Variants in USH2A observed in about 807,000 individuals in gnomAD.
The protein encoded by USH2A is Usher syndrome 2A (autosomal recessive, mild).
USH2A carries 443 observed loss-of-function variants against 538.9 expected under a neutral mutation model. The ratio of observed to expected loss-of-function variants is 0.82; its 90% confidence interval spans 0.76 to 0.89. USH2A has a LOEUF of 0.89. Among genes scored for constraint, USH2A ranks in the 40% least tolerant of loss-of-function variants. The pLI, the probability that USH2A is intolerant of heterozygous loss-of-function variation, is 0.00. For synonymous variants in USH2A, 2,413 were observed against 2,273.5 expected, an observed-to-expected ratio of 1.06 and a Z score of -1.75; for missense variants, 6,633 against 6,324.8, an observed-to-expected ratio of 1.05 and a Z score of -1.65.
At chr1:216,017,116 G>C (rs1668731415) in intron 32 of USH2A, among the ~76,000 whole-genome samples, 1 of 151,926 alleles carries the variant, frequency 6.6e-6, no homozygotes. Flanking sequence ...TTACTTTTAT[G>C]ATATAAAATG....
chr1:216,079,733 A>G (rs2031872980), intron 26 of USH2A, among the ~76,000 whole-genome samples: 1 of 152,182 alleles, frequency 6.6e-6, no homozygotes, highest in Non-Finnish European at 1.5e-5. Context: ...AGAAGTACAC[A>G]TTGAAAACAA....
chr1:215,781,465 A>T (rs1372759050), intron 54 of USH2A, among the ~76,000 whole-genome samples: 2 of 152,016 alleles, frequency 1.3e-5, no homozygotes, highest in African/African-American at 4.8e-5. Flanking sequence ...CTTTCCTTTT[A>T]TTTCTGTAAA....
chr1:215,915,810 G>A (rs984258111), intron 38 of USH2A, among the ~76,000 whole-genome samples: 7 of 151,610 alleles, frequency 4.6e-5, no homozygotes, highest in African/African-American at 1.5e-4. Context: ...ATGATAGACT[G>A]GATTAAGAAA....
intron 15 of USH2A, among the ~76,000 whole-genome samples, chr1:216,214,488 G>A (rs996471317): frequency 2.0e-5 from 3 of 151,960 alleles, no homozygotes; most frequent in Non-Finnish European, 4.4e-5. Context: ...TAAAACTCAT[G>A]GGAAAGGCAA....
intron 3 of USH2A, among the ~76,000 whole-genome samples, chr1:216,385,654 G>C (rs147140059): frequency 6.6e-6 from 1 of 152,286 alleles, no homozygotes; most frequent in East Asian, 1.9e-4. Flanking sequence ...GTTTTAATAA[G>C]ATCCCTTCTT....
At chr1:216,016,079 A>G (rs1668703756) in intron 32 of USH2A, among the ~76,000 whole-genome samples, 1 of 152,054 alleles carries the variant, frequency 6.6e-6, no homozygotes, top group South Asian at 2.1e-4. Context: ...CATTCTGGGC[A>G]AACTATTGCA....
In USH2A at chr1:215,673,827, C is replaced by T. The variant is rs190900744; in HGVS notation, c.13811+273G>A. ...CCAGGGGGACTAGCCTCATCTCTGT[C>T]CTACTTATTTCAGATACCAGGATGC... On this transcript the variant is annotated intron_variant, in intron 63 of 71. Coordinates refer to ENST00000307340, the MANE Select transcript of USH2A (RefSeq NM_206933.4). 4.1e-3 allele frequency among the ~76,000 whole-genome samples: 622 copies of T among 152,254 alleles called. 4 individuals are homozygous for T. Among genetic ancestry groups the T allele is most frequent in the South Asian group, 0.018 (86 of 4,820 alleles).
At chr1:216,330,052 T>A (rs1396571401) in intron 4 of USH2A, among the ~76,000 whole-genome samples, 1 of 152,052 alleles carries the variant, frequency 6.6e-6, no homozygotes, top group Non-Finnish European at 1.5e-5. Flanking sequence ...TTTGAAAGAC[T>A]TACCATAACT....
chr1:216,050,117 T>G (rs2030695099), intron 30 of USH2A, among the ~76,000 whole-genome samples: 1 of 152,204 alleles, frequency 6.6e-6, no homozygotes, highest in Non-Finnish European at 1.5e-5. Flanking sequence ...TTTACTTTCT[T>G]TTAAGAAGTT....
intron 47 of USH2A, among the ~76,000 whole-genome samples, chr1:215,820,259 CAAATGTTTGGGTTACA>C (rs1662975300): frequency 6.7e-6 from 1 of 150,344 alleles, no homozygotes. Flanking sequence ...TTTTCTCTCT[CAAATGTTTGGGTTACA>C]TTTTCTCATT....
chr1:216,040,410 G>GGAAGCACAACTCGCAT (rs2030224683), intron 32 of USH2A, among the ~76,000 whole-genome samples: 1 of 152,002 alleles, frequency 6.6e-6, no homozygotes, highest in Non-Finnish European at 1.5e-5. Flanking sequence ...TTTCTAACTA[G>GGAAGCACAACTCGCAT]GAAGCACAAC....
intron 38 of USH2A, among the ~76,000 whole-genome samples, chr1:215,929,153 G>GC (rs1319376830): frequency 2.2e-4 from 10 of 45,554 alleles, no homozygotes; most frequent in Non-Finnish European, 3.3e-4. Context: ...CATTAACAAT[G>GC]TAAAAAAAAG....
chr1:216,389,536 T>G (rs916454287), intron 3 of USH2A, among the ~76,000 whole-genome samples: 4 of 152,192 alleles, frequency 2.6e-5, no homozygotes, highest in African/African-American at 9.6e-5. Context: ...AATCTTGAAC[T>G]TTATATTTAA....
At chr1:215,765,667 A>G (rs988410248) in intron 56 of USH2A, among the ~76,000 whole-genome samples, 2 of 146,236 alleles carry the variant, frequency 1.4e-5, no homozygotes, top group African/African-American at 5.6e-5. Context: ...CACATGGGTA[A>G]CCATTGCTAT....
At chr1:216,294,626 T>C (rs1190384333) in intron 9 of USH2A, among the ~76,000 whole-genome samples, 1 of 151,854 alleles carries the variant, frequency 6.6e-6, no homozygotes, top group Non-Finnish European at 1.5e-5. Flanking sequence ...TCAAAGAGTA[T>C]AAACATTTTA....
At chr1:215,877,103 T>C (rs908923476) in intron 43 of USH2A, among the ~76,000 whole-genome samples, 6 of 152,204 alleles carry the variant, frequency 3.9e-5, no homozygotes, top group Non-Finnish European at 8.8e-5. Context: ...CCTCATTTTA[T>C]GGACAACAAA....
In USH2A at chr1:216,190,247, C is replaced by T; in HGVS notation, c.4372G>A (p.Gly1458Arg). 14 of 1,612,340 alleles carry T rather than the reference C, an allele frequency of 8.7e-6. No homozygotes were observed. The highest frequency in any genetic ancestry group is 1.2e-5 in the Non-Finnish European group (14 of 1,179,010). The change falls in exon 20 of 72, where the codon GGA (glycine) becomes AGA (arginine). Residue 1458 changes from glycine to arginine, a missense_variant. By Grantham distance (125) the Gly-to-Arg change is moderately radical (BLOSUM62 -2). Coordinates refer to ENST00000307340, the MANE Select transcript of USH2A (RefSeq NM_206933.4). ...NSVGCVTSASGAGQTLAAAPA... is the reference protein window; with the variant it reads ...NSVGCVTSASRAGQTLAAAPA... ...CCTGCTGCTAAAGTTTGTCCTGCTCCCGAAGCACTGGTCACACAACCAACT... is the reference window on the plus strand; with the variant it reads ...CCTGCTGCTAAAGTTTGTCCTGCTCTCGAAGCACTGGTCACACAACCAACT...
chr1:215,691,699 CAG>C (rs1658618037), intron 61 of USH2A, among the ~76,000 whole-genome samples: 1 of 152,138 alleles, frequency 6.6e-6, no homozygotes, highest in South Asian at 2.1e-4. Context: ...GTAAACTCCA[CAG>C]AGTCAAAGGC....
chr1:216,013,657 A>T (rs956076540), intron 32 of USH2A, among the ~76,000 whole-genome samples: 1 of 151,552 alleles, frequency 6.6e-6, no homozygotes, highest in East Asian at 2.0e-4. Flanking sequence ...TCCCCCACTG[A>T]GTACCTTGTG....
Sources: allele counts gnomAD v4.1 joint callset (sites outside exome capture counted in the v4.1 genomes callset), GRCh38; gene constraint gnomAD v4.1.1; transcripts MANE v1.5; gene names NCBI Gene and HGNC (gene_info 2026-07-23, HGNC 2026-07-21).